The following PNLDC1 variants were observed in gnomAD, a reference collection of about 807,000 sequenced individuals.
PNLDC1 encodes poly(A)-specific ribonuclease PNLDC1.
In PNLDC1, 70 loss-of-function variants were observed where a neutral mutation model predicts 82.0. The ratio of observed to expected loss-of-function variants is 0.85; its 90% CI spans 0.70 to 1.04. The LOEUF (loss-of-function observed/expected upper bound fraction) is 1.04, where lower values mean the gene tolerates loss of function less well. Among genes scored for constraint, PNLDC1 ranks in the 50% least tolerant of loss-of-function variants. The pLI is 0.00. For synonymous variants in PNLDC1, 280 were observed against 249.3 expected, an observed-to-expected ratio of 1.12 and a Z score of -1.16; for missense variants, 631 against 661.1, an observed-to-expected ratio of 0.95 and a Z score of 0.50.
In PNLDC1 at chr6:159,813,632, C is replaced by T. The variant is rs541872480; in HGVS notation, c.971C>T (p.Ser324Leu). 3.0e-4 allele frequency: 477 copies of T among 1,613,844 alleles called. 3 individuals carry two copies. In the South Asian group the frequency reaches 4.4e-3, roughly 15 times the overall value. The change falls in exon 12 of 19, where the codon TCG becomes TTG. Residue 324 changes from serine (S) to leucine (L), a missense_variant. By Grantham distance (145) the Ser-to-Leu change is moderately radical. Transcript: ENST00000392167. ...EMNFPRVSNL[S>L]EVYEVLNSDL... The stretch of plus-strand genomic sequence containing the variant: ...AATTTCCCGAGGGTGTCGAATCTTT[C>T]GGAAGTCTATGAAGTCCTGAACAGG...
At chr6:159,811,014 G>A (rs1781628582) in intron 10 of PNLDC1, among the ~76,000 whole-genome samples, 1 of 152,186 alleles carries the variant, frequency 6.6e-6, no homozygotes, top group Non-Finnish European at 1.5e-5. Flanking sequence ...GGGGCGATAC[G>A]GGCATGTGTG....
intron 12 of PNLDC1, among the ~76,000 whole-genome samples, chr6:159,814,564 A>G (rs369762763): frequency 1.3e-5 from 2 of 152,074 alleles, no homozygotes; most frequent in East Asian, 1.9e-4. Flanking sequence ...CTGTCCCTCA[A>G]GCACACTCTA....
chr6:159,800,933 C>A, intron 2 of PNLDC1, 104 bp downstream of exon 2: 1 of 1,544,838 alleles, frequency 6.5e-7, no homozygotes, highest in Non-Finnish European at 8.9e-7. Flanking sequence ...TTTTGTGTGG[C>A]TTGCTCCTAC....
rs182842288 is a variant in PNLDC1, at chr6:159,813,691, C to T, written c.995+35C>T. On this transcript the variant is annotated intron_variant, in intron 12 of 18. Transcript: ENST00000392167. ...GCGATTCCTGGAGCTACTGCTGGAG[C>T]GGCCTTGGTGGCCTCCCTGTGCTCC... 327 of 1,601,532 alleles carry T rather than the reference C, an allele frequency of 2.0e-4. 6 individuals carry two copies. The South Asian group carries it at 3.3e-3, about 16-fold the overall frequency.
chr6:159,818,843 C>T, intron 16 of PNLDC1, 103 bp from the exon 17 acceptor site: 1 of 1,379,278 alleles, frequency 7.3e-7, no homozygotes. Flanking sequence ...CTTCCCCTCC[C>T]TGCCCCAAGC....
intron 7 of PNLDC1, among the ~76,000 whole-genome samples, chr6:159,808,353 T>G (rs1781522384): frequency 1.3e-5 from 2 of 152,234 alleles, no homozygotes; most frequent in African/African-American, 4.8e-5. Context: ...AGTTTTTGTT[T>G]TAGAAAATAG....
intron 4 of PNLDC1, 129 bp from the exon 5 acceptor site, chr6:159,803,836 C>T (rs1781349136): frequency 9.4e-7 from 1 of 1,063,628 alleles, no homozygotes; most frequent in African/African-American, 1.6e-5. Flanking sequence ...GCTCCTGAAA[C>T]ACAGCAGACA....
rs376556046 is a variant in PNLDC1, at chr6:159,819,597, G to A, written c.1532+245G>A. Among the ~76,000 whole-genome samples the A allele has an allele frequency of 6.6e-5, 10 of 152,366 alleles. No homozygotes were observed. The East Asian group carries it at 9.6e-4, about 15-fold the overall frequency. Reference sequence around the variant, plus strand: ...AGTGAAGCAGAAAATCCCTGCTCTCGTGGAGCTCACGTGCTGGGGGAGACA... The same window carrying A: ...AGTGAAGCAGAAAATCCCTGCTCTCATGGAGCTCACGTGCTGGGGGAGACA... On this transcript the variant is annotated intron_variant, in intron 18 of 18. Transcript: ENST00000392167. This position sits in a 1 kb window ranked among gnomAD's most constrained non-coding sequence, Gnocchi z 4.6.
At chr6:159,806,888 CTTT>C (rs34866272) in intron 7 of PNLDC1, among the ~76,000 whole-genome samples, 117 of 107,708 alleles carry the variant, frequency 1.1e-3, no homozygotes, top group East Asian at 1.5e-3. Flanking sequence ...AATTAGCTGC[CTTT>C]TTTTTTTTTT....
chr6:159,814,648 C>T lies in PNLDC1; in HGVS notation c.995+992C>T, dbSNP rs938149062. On this transcript the variant is annotated intron_variant, in intron 12 of 18. Transcript: ENST00000392167. ...GCTGTGTGTGCATGAGAGGGCAAAG[C>T]GGGGAGAGAGCTTTGTTGTAAATGC... Among the ~76,000 whole-genome samples, 6 of 152,300 alleles carry T rather than the reference C, an allele frequency of 3.9e-5. No homozygotes were observed. In the South Asian group the frequency reaches 8.3e-4, roughly 21 times the overall value.
At chr6:159,818,809 C>T in intron 16 of PNLDC1, 137 bp from the exon 17 acceptor site, 2 of 1,208,158 alleles carry the variant, frequency 1.7e-6, no homozygotes, top group Non-Finnish European at 2.3e-6. Context: ...CCACTAAAGC[C>T]AACATGGACT....
chr6:159,817,252 A>G, intron 15 of PNLDC1, 101 bp downstream of exon 15: 2 of 1,107,150 alleles, frequency 1.8e-6, no homozygotes, highest in South Asian at 2.5e-5. Context: ...GTTCTACCAA[A>G]GAAGGGAGAA....
chr6:159,806,215 ATT>A (rs1781441390), intron 7 of PNLDC1, 132 bp downstream of exon 7: 2 of 704,036 alleles, frequency 2.8e-6, no homozygotes, highest in Non-Finnish European at 5.1e-6. Flanking sequence ...TGATGCAAGC[ATT>A]TGTTTGGCGG....
At chr6:159,799,487 C>T (rs546906475), upstream of PNLDC1, among the ~76,000 whole-genome samples, 6 of 152,156 alleles carry the variant, frequency 3.9e-5, no homozygotes, top group Admixed American at 2.0e-4. Flanking sequence ...ATGTTTTCTC[C>T]GCTAACCTTA....
At position 159,820,597 on chromosome 6, in the gene PNLDC1, A is replaced by G; in HGVS notation, c.*80A>G. The G allele has an allele frequency of 7.3e-7, 1 of 1,377,984 alleles. No individual in the cohort carries two copies. Among genetic ancestry groups the G allele is most frequent in the Non-Finnish European group, 1.0e-6 (1 of 969,432 alleles). 85.4% of individuals were successfully genotyped at this position (1,377,984 alleles called of 1,614,324 possible). A position where few individuals can be genotyped will look rare whatever the true frequency, so the allele number is the denominator to read the frequency against. The stretch of plus-strand genomic sequence containing the variant: ...TGCTGGGTGTGTTCGTGTAAATCAG[A>G]TTCTGTTTGCAGATGGATCTGTTTG... On this transcript the variant is annotated 3_prime_UTR_variant, in exon 19 of 19. Transcript: ENST00000392167.
intron 1 of PNLDC1, 65 bp downstream of exon 1, chr6:159,800,448 G>A: frequency 6.7e-7 from 1 of 1,499,482 alleles, no homozygotes; most frequent in Non-Finnish European, 9.0e-7. Flanking sequence ...GCTTGAGGAG[G>A]GGGTGGCGGG....
At chr6:159,809,993 A>G in intron 9 of PNLDC1, 33 bp from the exon 10 acceptor site, 1 of 1,570,316 alleles carries the variant, frequency 6.4e-7, no homozygotes. Context: ...ACATTTTTTT[A>G]TTTTCTCTCA....
chr6:159,805,991 A>G lies in PNLDC1; in HGVS notation c.470A>G (p.Asp157Gly). Residue 157 changes from aspartate to glycine, a missense_variant, in exon 7 of 19, where the codon GAT becomes GGT. Asp to Gly is a moderately conservative substitution (Grantham distance 94). Transcript: ENST00000392167. ...CATGCGCCCATTTTCAGCTCTCCGG[A>G]TAAAGACCAAATCAAGGTGGTGATT... ...TGNWRVRSSP[D>G]KDQIKVVIDE... The G allele has an allele frequency of 1.2e-6, 2 of 1,614,064 alleles. No homozygotes were observed. The highest frequency in any genetic ancestry group is 1.7e-6 in the Non-Finnish European group (2 of 1,179,946).
intron 5 of PNLDC1, among the ~76,000 whole-genome samples, 192 bp downstream of exon 5, chr6:159,804,280 T>C (rs1316688416): frequency 6.6e-6 from 1 of 152,190 alleles, no homozygotes; most frequent in Admixed American, 6.5e-5. Flanking sequence ...CTTTTTGTAT[T>C]TTTAGTAGAG....
Sources: allele counts gnomAD v4.1 joint callset (sites outside exome capture counted in the v4.1 genomes callset), GRCh38; gene constraint gnomAD v4.1.1; non-coding constraint Gnocchi (gnomAD v3.1); transcripts MANE v1.5; gene names NCBI Gene and HGNC (gene_info 2026-07-23, HGNC 2026-07-21).